The following DYNLL2 variants were observed in gnomAD, a reference collection of about 807,000 sequenced individuals.
The protein encoded by DYNLL2 is dynein light chain LC8-type 2, also known as dynein light chain 2, cytoplasmic.
In DYNLL2, 1 loss-of-function variant was observed where a neutral mutation model predicts 9.7. The ratio of observed to expected loss-of-function variants is 0.10; its 90% CI spans 0.04 to 0.49. DYNLL2 has a LOEUF of 0.49. DYNLL2 is among the 20% of genes least tolerant of loss of function. The pLI is 0.95. For synonymous variants in DYNLL2, 35 were observed against 40.5 expected (o/e 0.86, Z 0.52); for missense variants, 37 against 115.2 (o/e 0.32, Z 3.11).
At chr17:58,084,137 G>A (rs59422680) in intron 1 of DYNLL2, among the ~76,000 whole-genome samples, 155 of 152,086 alleles carry the variant, frequency 1.0e-3, no homozygotes, top group African/African-American at 3.6e-3. Flanking sequence ...CAGGCCGGGT[G>A]GGGGAGGGCG....
In DYNLL2 at chr17:58,091,619, T is replaced by G. The variant is rs2075780502; in HGVS notation, c.*2340T>G. 1 of 152,218 alleles carries G rather than the reference T, an allele frequency of 6.6e-6. No individual in the cohort carries two copies. Among genetic ancestry groups the G allele is most frequent in the Non-Finnish European group, 1.5e-5 (1 of 68,052 alleles). The allele number at this position is 152,218 out of a possible 1,614,324, so 9.4% of individuals were successfully genotyped here. On this transcript the variant is annotated 3_prime_UTR_variant, in exon 3 of 3. Coordinates refer to ENST00000579991, the MANE Select transcript of DYNLL2 (RefSeq NM_080677.3). The stretch of plus-strand genomic sequence containing the variant: ...CCTCCCTTCTCGGCTTTCCTGAACC[T>G]GGAGACTATTTAGCAAAGGGTCTGG...
rs2075780444 is a variant in DYNLL2 at position 58,091,607 on chromosome 17, C to G, written c.*2328C>G. 1 of 152,192 alleles carries G rather than the reference C, an allele frequency of 6.6e-6. No homozygotes were observed. Among genetic ancestry groups the G allele is most frequent in the Admixed American group, 6.5e-5 (1 of 15,276 alleles). 9.4% of individuals were successfully genotyped at this position (152,192 alleles called of 1,614,324 possible). Reference sequence around the variant, plus strand: ...ATCTTTCATACTCCTCCCTTCTCGGCTTTCCTGAACCTGGAGACTATTTAG... The same window carrying G: ...ATCTTTCATACTCCTCCCTTCTCGGGTTTCCTGAACCTGGAGACTATTTAG... On this transcript the variant is annotated 3_prime_UTR_variant, in exon 3 of 3. Transcript: ENST00000579991.
rs1026730345 is a variant in DYNLL2 at position 58,090,639 on chromosome 17, G to T, written c.*1360G>T. The stretch of plus-strand genomic sequence containing the variant: ...CTTCTGGGAGCCTTGGAGGAGGTCA[G>T]TCTTGCAGTGGTGAAGCCAGGACAT... On this transcript the variant is annotated 3_prime_UTR_variant, in exon 3 of 3. Transcript: ENST00000579991. The T allele has an allele frequency of 6.6e-6, 1 of 152,564 alleles. No individual in the cohort carries two copies. The highest frequency in any genetic ancestry group is 6.6e-5 in the Admixed American group (1 of 15,242). 9.5% of individuals were successfully genotyped at this position (152,564 alleles called of 1,614,324 possible). A position where few individuals can be genotyped will look rare whatever the true frequency, so the allele number is the denominator to read the frequency against.
chr17:58,086,398 C>T (rs967519792), intron 1 of DYNLL2, among the ~76,000 whole-genome samples: 1 of 152,226 alleles, frequency 6.6e-6, no homozygotes, highest in Non-Finnish European at 1.5e-5. Flanking sequence ...GGCTGATGGA[C>T]AGTCCCTTGT....
intron 1 of DYNLL2, among the ~76,000 whole-genome samples, chr17:58,085,143 T>G (rs1041778551): frequency 1.3e-5 from 2 of 152,132 alleles, no homozygotes; most frequent in Admixed American, 1.3e-4. Context: ...CTCCAGAATG[T>G]GGGGGCAGAG....
Position 58,083,611 on chromosome 17 carries a change from A to C in DYNLL2, c.-82A>C, listed in dbSNP as rs2075744893. The stretch of plus-strand genomic sequence containing the variant: ...CAGCTGCAGGAGGAGCCCAGGGAAC[A>C]CCGCCCCTGCCTGTGCTCTGCCTCG... On this transcript the variant is annotated 5_prime_UTR_variant, in exon 1 of 3. Coordinates refer to ENST00000579991, the MANE Select transcript of DYNLL2 (RefSeq NM_080677.3). 1 of 153,472 alleles carries C rather than the reference A, an allele frequency of 6.5e-6. No homozygotes were observed. Among genetic ancestry groups the C allele is most frequent in the South Asian group, 1.8e-4 (1 of 5,564 alleles). The allele number at this position is 153,472 out of a possible 1,614,324, so 9.5% of individuals were successfully genotyped here.
Position 58,094,066 on chromosome 17 carries a change from T to G in DYNLL2, c.*4787T>G, listed in dbSNP as rs2075789604. ...TGCCCAGATAAAGGTGTACAGTGTT[T>G]GTGGTGAGGCTGCTGGACACTGCTG... On this transcript the variant is annotated 3_prime_UTR_variant, in exon 3 of 3. Transcript: ENST00000579991. 1 of 152,216 alleles carries G rather than the reference T, an allele frequency of 6.6e-6. No homozygotes were observed. The highest frequency in any genetic ancestry group is 2.1e-4 in the South Asian group (1 of 4,826). 9.4% of individuals were successfully genotyped at this position (152,216 alleles called of 1,614,324 possible).
rs769093945 is a variant in DYNLL2, at chr17:58,089,308, C to T, written c.*29C>T. On this transcript the variant is annotated 3_prime_UTR_variant, in exon 3 of 3. Transcript: ENST00000579991. ...GCCATGGTGAAGGTGTCAGTGGCGG[C>T]GGCAGCGATGGCAAGCAGGCGGCGT... The T allele has an allele frequency of 8.7e-6, 14 of 1,606,386 alleles. No individual in the cohort carries two copies. The highest frequency in any genetic ancestry group is 1.3e-5 in the African/African-American group (1 of 74,432).
chr17:58,084,348 T>G (rs1598087120), intron 1 of DYNLL2, among the ~76,000 whole-genome samples: 1 of 151,868 alleles, frequency 6.6e-6, no homozygotes, highest in African/African-American at 2.4e-5. Flanking sequence ...GGGATGGTGG[T>G]CCGTGTCATT....
Position 58,089,241 on chromosome 17 carries a change from T to C in DYNLL2, c.232T>C (p.Leu78=). The C allele has an allele frequency of 2.5e-6, 4 of 1,614,118 alleles. No homozygotes were observed. Among genetic ancestry groups the C allele is most frequent in the South Asian group, 2.2e-5 (2 of 91,062 alleles). ...HETKHFIYFY[L]GQVAILLFKS... ...GACAAAGCACTTCATCTATTTTTAC[T>C]TGGGTCAAGTTGCAATCCTCCTCTT... The change falls in exon 3 of 3, where the codon TTG becomes CTG. Residue 78 remains leucine, a synonymous_variant. Coordinates refer to ENST00000579991, the MANE Select transcript of DYNLL2 (RefSeq NM_080677.3).
Position 58,091,710 on chromosome 17 carries a change from A to AT in DYNLL2, c.*2433dup, listed in dbSNP as rs2075780799. The AT allele has an allele frequency of 6.6e-6, 1 of 152,142 alleles. No homozygotes were observed. Among genetic ancestry groups the AT allele is most frequent in the Non-Finnish European group, 1.5e-5 (1 of 68,036 alleles). 9.4% of individuals were successfully genotyped at this position (152,142 alleles called of 1,614,324 possible). Reference sequence around the variant, plus strand: ...CACCTCTTTTGGTGGAACCTAAGTGATTCTCTGAATCCTCTGTTGCCCAGA... The same window carrying AT: ...CACCTCTTTTGGTGGAACCTAAGTGATTTCTCTGAATCCTCTGTTGCCCAGA... On this transcript the variant is annotated 3_prime_UTR_variant, in exon 3 of 3. Coordinates refer to ENST00000579991, the MANE Select transcript of DYNLL2 (RefSeq NM_080677.3).
chr17:58,088,198 C>T (rs575579645), intron 2 of DYNLL2, among the ~76,000 whole-genome samples: 1 of 152,288 alleles, frequency 6.6e-6, no homozygotes, highest in Admixed American at 6.5e-5. Context: ...GGTCTGCGCT[C>T]TTTTTTTGCT....
chr17:58,089,522 G>A lies in DYNLL2; in HGVS notation c.*243G>A. 1 of 513,226 alleles carries A rather than the reference G, an allele frequency of 1.9e-6. No individual in the cohort carries two copies. The highest frequency in any genetic ancestry group is 3.3e-5 in the East Asian group (1 of 29,904). The allele number at this position is 513,226 out of a possible 1,614,324, so 31.8% of individuals were successfully genotyped here. On this transcript the variant is annotated 3_prime_UTR_variant, in exon 3 of 3. Coordinates refer to ENST00000579991, the MANE Select transcript of DYNLL2 (RefSeq NM_080677.3). ...TTCAAGACTTTAAAAATATTTTTTG[G>A]TTGTATTGCACTAGGAAATCTCTCC... is the stretch of plus-strand genomic sequence containing the variant.
In DYNLL2 at chr17:58,094,333, G is replaced by GTGA. The variant is rs5821210; in HGVS notation, c.*5071_*5073dup. On this transcript the variant is annotated 3_prime_UTR_variant, in exon 3 of 3. Coordinates refer to ENST00000579991, the MANE Select transcript of DYNLL2 (RefSeq NM_080677.3). Reference sequence around the variant, plus strand: ...TGTATGTGAAAATGCTTAGAAATGGGTGATGATGATGATGATGATACTGAT... The same window carrying GTGA: ...TGTATGTGAAAATGCTTAGAAATGGGTGATGATGATGATGATGATGATACTGAT... 1.2e-4 allele frequency: 18 copies of GTGA among 151,578 alleles called. No individual in the cohort carries two copies. Among genetic ancestry groups the GTGA allele is most frequent in the African/African-American group, 4.4e-4 (18 of 41,338 alleles). The allele number at this position is 151,578 out of a possible 1,614,324, so 9.4% of individuals were successfully genotyped here.
chr17:58,083,427 A>G lies in DYNLL2; in HGVS notation c.-266A>G, dbSNP rs1477118314. On this transcript the variant is annotated 5_prime_UTR_variant, in exon 1 of 3. Coordinates refer to ENST00000579991, the MANE Select transcript of DYNLL2 (RefSeq NM_080677.3). ...GCGCGTCGGCCGCGCTCAGCGGCAG[A>G]GCGGAGCGGAGCTGTGAGGCGCCAG... 9.7e-6 allele frequency: 1 copy of G among 102,720 alleles called. No homozygotes were observed. The highest frequency in any genetic ancestry group is 1.9e-5 in the Non-Finnish European group (1 of 51,714). 6.4% of individuals were successfully genotyped at this position (102,720 alleles called of 1,614,324 possible).
At position 58,089,532 on chromosome 17, in the gene DYNLL2, A is replaced by T; in HGVS notation, c.*253A>T. 1 of 494,904 alleles carries T rather than the reference A, an allele frequency of 2.0e-6. No homozygotes were observed. Among genetic ancestry groups the T allele is most frequent in the Non-Finnish European group, 3.5e-6 (1 of 288,776 alleles). The allele number at this position is 494,904 out of a possible 1,614,324, so 30.7% of individuals were successfully genotyped here. A position where few individuals can be genotyped will look rare whatever the true frequency, so the allele number is the denominator to read the frequency against. On this transcript the variant is annotated 3_prime_UTR_variant, in exon 3 of 3. Coordinates refer to ENST00000579991, the MANE Select transcript of DYNLL2 (RefSeq NM_080677.3). ...TAAAAATATTTTTTGGTTGTATTGCACTAGGAAATCTCTCCCACCTCTCCC... is the reference window on the plus strand; with the variant it reads ...TAAAAATATTTTTTGGTTGTATTGCTCTAGGAAATCTCTCCCACCTCTCCC...
chr17:58,089,682 C>T lies in DYNLL2; in HGVS notation c.*403C>T. On this transcript the variant is annotated 3_prime_UTR_variant, in exon 3 of 3. Coordinates refer to ENST00000579991, the MANE Select transcript of DYNLL2 (RefSeq NM_080677.3). ...TGGAACTAAAACTGTGCAGCTGCCT[C>T]TTCCTGGCGGTGGATGCTGCTTTGG... 2.4e-6 allele frequency: 1 copy of T among 408,354 alleles called. No individual in the cohort carries two copies. The highest frequency in any genetic ancestry group is 4.3e-6 in the Non-Finnish European group (1 of 233,976). The allele number at this position is 408,354 out of a possible 1,614,324, so 25.3% of individuals were successfully genotyped here. A position where few individuals can be genotyped will look rare whatever the true frequency, so the allele number is the denominator to read the frequency against.
rs569478907 is a variant in DYNLL2 at position 58,086,132 on chromosome 17, TC to T, written c.-9-949del. On this transcript the variant is annotated intron_variant, in intron 1 of 2. Coordinates refer to ENST00000579991, the MANE Select transcript of DYNLL2 (RefSeq NM_080677.3). The stretch of plus-strand genomic sequence containing the variant: ...AGTCTGAGGTTGCCTTCCCACCCTC[TC>T]TACCTCTTACGGGCATCTCAGCCTG... 9.8e-5 allele frequency among the ~76,000 whole-genome samples: 15 copies of T among 152,296 alleles called. No homozygotes were observed. The East Asian group carries it at 2.9e-3, about 29-fold the overall frequency.
chr17:58,088,571 A>G (rs1181827420), intron 2 of DYNLL2, among the ~76,000 whole-genome samples: 1 of 152,128 alleles, frequency 6.6e-6, no homozygotes, highest in African/African-American at 2.4e-5. Flanking sequence ...CTCATGGTGG[A>G]GGTCCTTGTT....
Sources: allele counts gnomAD v4.1 joint callset (sites outside exome capture counted in the v4.1 genomes callset), GRCh38; gene constraint gnomAD v4.1.1; transcripts MANE v1.5; gene names NCBI Gene and HGNC (gene_info 2026-07-23, HGNC 2026-07-21).